Variants in ABCA5 observed in about 807,000 individuals in gnomAD.
ABCA5 encodes cholesterol transporter ABCA5.
ABCA5 carries 163 observed loss-of-function variants against 206.0 expected under a neutral mutation model. That is an observed-to-expected ratio of 0.79 (90% confidence interval 0.70 to 0.90). The LOEUF (loss-of-function observed/expected upper bound fraction) is 0.90, where lower values mean the gene tolerates loss of function less well. Ranked by LOEUF, ABCA5 falls within the 40% of genes least tolerant of loss-of-function variation. The probability of loss-of-function intolerance (pLI) is 0.00; values close to 1 mark genes in which losing one functional copy is unlikely to be tolerated. For synonymous variants in ABCA5, 609 were observed against 613.8 expected, an observed-to-expected ratio of 0.99 and a Z score of 0.11; for missense variants, 1,859 against 1,912.9, an observed-to-expected ratio of 0.97 and a Z score of 0.53.
At chr17:69,304,140 G>C (rs1567778612) in intron 7 of ABCA5, 1 of 151,864 alleles carries the variant, frequency 6.6e-6, no homozygotes, top group Non-Finnish European at 1.5e-5. Flanking sequence ...AGAAATGATA[G>C]CCAAAACATT....
intron 12 of ABCA5, 118 bp downstream of exon 12, chr17:69,291,098 G>C (rs1245502457): frequency 1.9e-6 from 1 of 535,482 alleles, no homozygotes; most frequent in East Asian, 3.1e-5. Context: ...GTATAATCAA[G>C]AAAAAAAGAA....
intron 34 of ABCA5, 150 bp from the exon 35 acceptor site, chr17:69,252,016 A>ACTTTTATATTCTTTTTTTTTTTTTT (rs71144665): frequency 1.9e-6 from 1 of 522,848 alleles, no homozygotes. Context: ...CCCAACTATG[A>ACTTTTATATTCTTTTTTTTTTTTTT]TTTTTTTTTT....
In ABCA5 at chr17:69,307,936, G is replaced by GA. The variant is rs985941002; in HGVS notation, c.558+343dup. Among the ~76,000 whole-genome samples, 6 of 151,486 alleles carry GA rather than the reference G, an allele frequency of 4.0e-5. No individual in the cohort carries two copies. The South Asian group carries it at 6.3e-4, about 16-fold the overall frequency. On this transcript the variant is annotated intron_variant, in intron 5 of 38. Transcript: ENST00000392676. Reference sequence around the variant, plus strand: ...TAAATTCAATTAGAAAGGGCAAATGGAAAAAAAAGCCACAGATCCATACAG... The same window carrying GA: ...TAAATTCAATTAGAAAGGGCAAATGGAAAAAAAAAGCCACAGATCCATACAG...
intron 12 of ABCA5, 75 bp from the exon 13 acceptor site, chr17:69,290,112 T>A: frequency 9.3e-7 from 1 of 1,079,250 alleles, no homozygotes; most frequent in Non-Finnish European, 1.3e-6. Flanking sequence ...CCTGATAACT[T>A]AGTTATTTGG....
intron 5 of ABCA5, among the ~76,000 whole-genome samples, chr17:69,307,627 T>C (rs1205850668): frequency 6.6e-6 from 1 of 152,236 alleles, no homozygotes; most frequent in African/African-American, 2.4e-5. Context: ...TGTGCAATAT[T>C]ACACGTCCCT....
At position 69,303,817 on chromosome 17, in the gene ABCA5, T is replaced by C. The variant is rs1249217388; in HGVS notation, c.930+852A>G. Among the ~76,000 whole-genome samples, 19 of 7,374 alleles carry C rather than the reference T, an allele frequency of 2.6e-3. 2 individuals carry two copies. The highest frequency in any genetic ancestry group is 0.012 in the Non-Finnish European group (13 of 1,044). 4.8% of individuals were successfully genotyped at this position (7,374 alleles called of 152,430 possible). On this transcript the variant is annotated intron_variant, in intron 7 of 38. Coordinates refer to ENST00000392676, the MANE Select transcript of ABCA5 (RefSeq NM_172232.4). ...ATATATATATATATATACATACATA[T>C]ATATATATGTATATATATATATACA...
chr17:69,291,184 A>C, intron 12 of ABCA5, 32 bp downstream of exon 12: 2 of 1,335,998 alleles, frequency 1.5e-6, no homozygotes, highest in Non-Finnish European at 2.1e-6. Flanking sequence ...ATATATAATG[A>C]AGTTTTTTTT....
chr17:69,284,889 G>A (rs1181493652), intron 17 of ABCA5, among the ~76,000 whole-genome samples: 1 of 152,138 alleles, frequency 6.6e-6, no homozygotes, highest in Non-Finnish European at 1.5e-5. Context: ...CATCCTACAG[G>A]AGATCCCAGA....
At chr17:69,293,477 C>G (rs1249209278) in intron 11 of ABCA5, among the ~76,000 whole-genome samples, 1 of 152,048 alleles carries the variant, frequency 6.6e-6, no homozygotes, top group East Asian at 1.9e-4. Context: ...GCTATGGTGC[C>G]GTTATTTGGT....
At chr17:69,259,416 A>AC (rs2075120547) in intron 28 of ABCA5, among the ~76,000 whole-genome samples, 1 of 152,012 alleles carries the variant, frequency 6.6e-6, no homozygotes, top group African/African-American at 2.4e-5. Context: ...AAAGTTAAAT[A>AC]CAAGGTATTT....
intron 38 of ABCA5, 37 bp downstream of exon 38, chr17:69,248,225 C>A: frequency 8.1e-7 from 1 of 1,237,162 alleles, no homozygotes; most frequent in South Asian, 1.4e-5. Context: ...ATACTTTCTT[C>A]TATAAAATAA....
Position 69,287,598 on chromosome 17 carries a change from A to C in ABCA5, c.2041+15T>G. ...CCCATGATCTCAGCCTTCGAAAATA[A>C]AACAAAAATCTCACCTGCAAGAATG... is the stretch of plus-strand genomic sequence containing the variant. On this transcript the variant is annotated intron_variant, in intron 15 of 38. Transcript: ENST00000392676. The C allele has an allele frequency of 6.2e-7, 1 of 1,604,856 alleles. No homozygotes were observed. The highest frequency in any genetic ancestry group is 1.3e-5 in the African/African-American group (1 of 74,508).
intron 34 of ABCA5, among the ~76,000 whole-genome samples, chr17:69,253,316 G>C (rs945899980): frequency 6.6e-6 from 1 of 152,066 alleles, no homozygotes; most frequent in Non-Finnish European, 1.5e-5. Context: ...CAGAACACTA[G>C]AACTCTTTAT....
chr17:69,248,369 C>T, intron 37 of ABCA5, 52 bp from the exon 38 acceptor site: 1 of 1,049,842 alleles, frequency 9.5e-7, no homozygotes, highest in Non-Finnish European at 1.4e-6. Flanking sequence ...AAAAAAATGG[C>T]AATACCTACC....
chr17:69,267,900 C>G, intron 23 of ABCA5, 43 bp downstream of exon 23: 1 of 1,132,200 alleles, frequency 8.8e-7, no homozygotes, highest in South Asian at 1.4e-5. Flanking sequence ...TTTTATATGA[C>G]ACTTCTTATT....
At chr17:69,319,596 C>T (rs750897807) in intron 1 of ABCA5, among the ~76,000 whole-genome samples, 5 of 152,176 alleles carry the variant, frequency 3.3e-5, no homozygotes, top group Non-Finnish European at 7.3e-5. Context: ...AAGAGACCCA[C>T]AGACTGGATG....
At chr17:69,286,426 T>A (rs2075454399) in intron 15 of ABCA5, 115 bp from the exon 16 acceptor site, 1 of 894,018 alleles carries the variant, frequency 1.1e-6, no homozygotes, top group Non-Finnish European at 1.7e-6. Context: ...TCATTAATCA[T>A]CACAAAAAGT....
At position 69,250,719 on chromosome 17, in the gene ABCA5, A is replaced by T. The variant is rs2075002775; in HGVS notation, c.4536-98T>A. On this transcript the variant is annotated intron_variant, in intron 35 of 38. Transcript: ENST00000392676. ...CTACATTTTAAAAAAATATACCTTT[A>T]TATTTAGAGAAAAATTACAAAGAAA... The T allele has an allele frequency of 3.6e-6, 3 of 839,522 alleles. No individual in the cohort carries two copies. The South Asian group carries it at 6.3e-5, about 18-fold the overall frequency. The allele number at this position is 839,522 out of a possible 1,614,324, so 52.0% of individuals were successfully genotyped here.
intron 11 of ABCA5, among the ~76,000 whole-genome samples, chr17:69,294,242 G>T (rs1351587206): frequency 6.6e-6 from 1 of 152,098 alleles, no homozygotes. Context: ...CAAGACAGGG[G>T]CTGGGCGCAG....
Sources: allele counts gnomAD v4.1 joint callset (sites outside exome capture counted in the v4.1 genomes callset), GRCh38; gene constraint gnomAD v4.1.1; transcripts MANE v1.5; gene names NCBI Gene and HGNC (gene_info 2026-07-23, HGNC 2026-07-21).